The following NEMF variants were observed in gnomAD, a reference collection of about 807,000 sequenced individuals.
NEMF encodes the protein nuclear export mediator factor.
NEMF carries 89 observed loss-of-function variants against 162.2 expected under a neutral mutation model. The observed-to-expected ratio is 0.55, with a 90% CI of 0.46 to 0.65. The LOEUF (loss-of-function observed/expected upper bound fraction) is 0.65, where lower values mean the gene tolerates loss of function less well. NEMF is among the 30% of genes least tolerant of loss of function. The pLI, the probability that NEMF is intolerant of heterozygous loss-of-function variation, is 0.00. For synonymous variants in NEMF, 421 were observed against 404.5 expected, an observed-to-expected ratio of 1.04 and a Z score of -0.49; for missense variants, 1,133 against 1,261.9, an observed-to-expected ratio of 0.90 and a Z score of 1.55.
intron 15 of NEMF, among the ~76,000 whole-genome samples, chr14:49,827,853 C>A (rs1892439384): frequency 6.6e-6 from 1 of 150,696 alleles, no homozygotes; most frequent in South Asian, 2.1e-4. Flanking sequence ...ATGTGGAGAA[C>A]AGACTGTAGT....
intron 16 of NEMF, among the ~76,000 whole-genome samples, chr14:49,822,658 A>C (rs28587919): frequency 0.97 from 134,644 of 138,712 alleles, 65,485 homozygotes; most frequent in East Asian, 1. Flanking sequence ...TGAAAGATCC[A>C]GTCTCTACTT....
At chr14:49,799,943 A>C (rs1035636759) in intron 23 of NEMF, among the ~76,000 whole-genome samples, 1 of 152,196 alleles carries the variant, frequency 6.6e-6, no homozygotes, top group African/African-American at 2.4e-5. Flanking sequence ...CCAAATCCCT[A>C]TGAAAGGGAT....
chr14:49,851,740 G>A lies in NEMF; in HGVS notation c.128+67C>T, dbSNP rs145861944. ...ATTGCTAAACAGGCTTAAAATGTAG[G>A]TTAAAAAAAATCAGTAATCTCATAC... On this transcript the variant is annotated intron_variant, in intron 2 of 32. Transcript: ENST00000298310. 7.1e-4 allele frequency: 1,051 copies of A among 1,471,784 alleles called. 2 individuals are homozygous for A. The highest frequency in any genetic ancestry group is 8.6e-4 in the Non-Finnish European group (917 of 1,060,512). 91.2% of individuals were successfully genotyped at this position (1,471,784 alleles called of 1,614,324 possible). A position where few individuals can be genotyped will look rare whatever the true frequency, so the allele number is the denominator to read the frequency against.
chr14:49,814,081 T>G (rs372172192), intron 17 of NEMF, 31 bp from the exon 18 acceptor site: 3 of 1,258,954 alleles, frequency 2.4e-6, no homozygotes, highest in Non-Finnish European at 3.5e-6. Context: ...AAATGACACT[T>G]TAAGTCCTAA....
chr14:49,799,754 T>C lies in NEMF; in HGVS notation c.2373-76A>G, dbSNP rs1890872164. Reference sequence around the variant, plus strand: ...TTTACAAAGTCCCAAAACATTCCCATATCATACTCTTAAGTACTGGCAATC... The same window carrying C: ...TTTACAAAGTCCCAAAACATTCCCACATCATACTCTTAAGTACTGGCAATC... On this transcript the variant is annotated intron_variant, in intron 23 of 32. Transcript: ENST00000298310. The C allele has an allele frequency of 9.0e-6, 11 of 1,227,018 alleles. No individual in the cohort carries two copies. The South Asian group carries it at 1.5e-4, about 17-fold the overall frequency. The allele number at this position is 1,227,018 out of a possible 1,614,324, so 76.0% of individuals were successfully genotyped here.
chr14:49,789,590 T>C lies in NEMF; in HGVS notation c.2620-17A>G, dbSNP rs756191293. 21 of 1,601,112 alleles carry C rather than the reference T, an allele frequency of 1.3e-5. No homozygotes were observed. The African/African-American group carries it at 2.3e-4, about 18-fold the overall frequency. The stretch of plus-strand genomic sequence containing the variant: ...CATTTTACTCTACAAAATCAGAAGA[T>C]TTTGGTTGGAAATATTCAGCAGCAA... On this transcript the variant is annotated splice_polypyrimidine_tract_variant and intron_variant, in intron 26 of 32. Transcript: ENST00000298310.
chr14:49,782,633 T>C lies in NEMF; in HGVS notation c.*2003A>G, dbSNP rs1234414191. 2 of 1,533,236 alleles carry C rather than the reference T, an allele frequency of 1.3e-6. No individual in the cohort carries two copies. Among genetic ancestry groups the C allele is most frequent in the East Asian group, 2.3e-5 (1 of 44,414 alleles). 95.0% of individuals were successfully genotyped at this position (1,533,236 alleles called of 1,614,324 possible). ...TACTTGGCACTTAGATTATTTAAAA[T>C]TGTGTTTCCTAAGACTTAGCACTCT... On this transcript the variant is annotated 3_prime_UTR_variant, in exon 33 of 33. Transcript: ENST00000298310.
intron 32 of NEMF, 43 bp downstream of exon 32, chr14:49,784,882 G>T: frequency 1.3e-6 from 2 of 1,523,514 alleles, no homozygotes; most frequent in Non-Finnish European, 1.8e-6. Flanking sequence ...ATTTTAAATT[G>T]TACTGTCAGT....
intron 26 of NEMF, among the ~76,000 whole-genome samples, chr14:49,793,735 AT>A (rs1566652704): frequency 6.6e-6 from 1 of 151,890 alleles, no homozygotes; most frequent in East Asian, 1.9e-4. Context: ...CGTACCCATA[AT>A]TTTTTTTAGG....
chr14:49,808,543 A>C (rs954137806), intron 18 of NEMF, among the ~76,000 whole-genome samples: 1 of 152,150 alleles, frequency 6.6e-6, no homozygotes, highest in Admixed American at 6.6e-5. Flanking sequence ...TTTTGGTATC[A>C]TATCTAAGAA....
In NEMF at chr14:49,838,141, A is replaced by AG; in HGVS notation, c.571dup (p.Leu191ProfsTer9). 1 of 1,608,880 alleles carries AG rather than the reference A, an allele frequency of 6.2e-7. No individual in the cohort carries two copies. Among genetic ancestry groups the AG allele is most frequent in the Admixed American group, 1.7e-5 (1 of 59,902 alleles). On this transcript the variant is annotated frameshift_variant, in exon 6 of 33. Coordinates refer to ENST00000298310, the MANE Select transcript of NEMF (RefSeq NM_004713.6). LOFTEE classifies it high-confidence loss of function. ...CTGCTATTTGCAGGAATACTCACGA[A>AG]GTAATGGGTTAAGCACCCTCTTCAG... is the stretch of plus-strand genomic sequence containing the variant.
intron 19 of NEMF, among the ~76,000 whole-genome samples, chr14:49,803,610 C>T (rs937007188): frequency 6.6e-6 from 1 of 151,810 alleles, no homozygotes; most frequent in Non-Finnish European, 1.5e-5. Context: ...ACTGTAACCT[C>T]CACCTCCTTG....
intron 3 of NEMF, among the ~76,000 whole-genome samples, chr14:49,849,872 A>C (rs1036424245): frequency 1.3e-5 from 2 of 152,216 alleles, no homozygotes; most frequent in African/African-American, 4.8e-5. Flanking sequence ...ACTATTAAAT[A>C]AATTAAACTT....
At chr14:49,789,910 C>T in intron 26 of NEMF, among the ~76,000 whole-genome samples, 2 of 152,114 alleles carry the variant, frequency 1.3e-5, no homozygotes, top group East Asian at 3.8e-4. Flanking sequence ...TGGTTTGGGT[C>T]AGGGTACACA....
intron 18 of NEMF, among the ~76,000 whole-genome samples, chr14:49,806,785 CAAAATT>C (rs1891237877): frequency 6.6e-6 from 1 of 151,988 alleles, no homozygotes; most frequent in Non-Finnish European, 1.5e-5. Context: ...TGAAGACTTC[CAAAATT>C]AAAATAGATT....
At chr14:49,843,784 C>G (rs888004907) in intron 4 of NEMF, among the ~76,000 whole-genome samples, 2 of 152,078 alleles carry the variant, frequency 1.3e-5, no homozygotes, top group Non-Finnish European at 2.9e-5. Context: ...AGAAAAAGTA[C>G]AGTAAAAATA....
At position 49,789,585 on chromosome 14, in the gene NEMF, G is replaced by T; in HGVS notation, c.2620-12C>A. 2.5e-6 allele frequency: 4 copies of T among 1,601,882 alleles called. No individual in the cohort carries two copies. Among genetic ancestry groups the T allele is most frequent in the Non-Finnish European group, 3.4e-6 (4 of 1,177,380 alleles). On this transcript the variant is annotated splice_polypyrimidine_tract_variant and intron_variant, in intron 26 of 32. Coordinates refer to ENST00000298310, the MANE Select transcript of NEMF (RefSeq NM_004713.6). Reference sequence around the variant, plus strand: ...TTTTTCATTTTACTCTACAAAATCAGAAGATTTTGGTTGGAAATATTCAGC... The same window carrying T: ...TTTTTCATTTTACTCTACAAAATCATAAGATTTTGGTTGGAAATATTCAGC...
chr14:49,846,126 CA>C lies in NEMF; in HGVS notation c.357+13del, dbSNP rs764485579. ...AGAAATTTTCCTTCACCATATCCCA[CA>C]AATTTAACTTACCCTATCATAGAGC... On this transcript the variant is annotated intron_variant, in intron 4 of 32. Transcript: ENST00000298310. 7 of 1,608,272 alleles carry C rather than the reference CA, an allele frequency of 4.4e-6. No homozygotes were observed. Among genetic ancestry groups the C allele is most frequent in the Non-Finnish European group, 5.9e-6 (7 of 1,177,752 alleles).
chr14:49,836,076 T>C (rs533764885), intron 6 of NEMF, among the ~76,000 whole-genome samples: 50 of 152,246 alleles, frequency 3.3e-4, no homozygotes, highest in Non-Finnish European at 4.9e-4. Context: ...ACAGCTGTAA[T>C]TGAGACCAGC....
Sources: gnomAD v4.1 joint callset for allele counts (sites outside exome capture counted in the v4.1 genomes callset) on GRCh38, gnomAD v4.1.1 for gene constraint, MANE v1.5 for transcripts, NCBI Gene and HGNC (gene_info 2026-07-23, HGNC 2026-07-21) for gene names.